FBXL17: variants seen among roughly 807,000 people sequenced by gnomAD.
FBXL17 encodes the protein F-box/LRR-repeat protein 17.
FBXL17 carries 22 observed loss-of-function variants against 66.2 expected under a neutral mutation model. That is an observed-to-expected ratio of 0.33 (90% CI 0.24 to 0.47). The LOEUF (loss-of-function observed/expected upper bound fraction) is 0.47. Among genes scored for constraint, FBXL17 ranks in the 20% least tolerant of loss-of-function variants. FBXL17 has a pLI of 1.00. For missense variants in FBXL17, 878 were observed against 948.2 expected, an observed-to-expected ratio of 0.93 and a Z score of 0.97; for synonymous variants, 474 against 400.5, an observed-to-expected ratio of 1.18 and a Z score of -2.19.
At chr5:108,326,619 A>C (rs1039482703) in intron 4 of FBXL17, among the ~76,000 whole-genome samples, 1 of 152,062 alleles carries the variant, frequency 6.6e-6, no homozygotes, top group African/African-American at 2.4e-5. Context: ...TCCAAAAAAA[A>C]GCAAAAGATT....
chr5:108,319,976 A>T (rs1337999089), intron 4 of FBXL17, among the ~76,000 whole-genome samples: 1 of 151,714 alleles, frequency 6.6e-6, no homozygotes, highest in African/African-American at 2.4e-5. Context: ...CATCATGAAA[A>T]ATTACTCAAT....
At chr5:108,180,287 G>A (rs1752949947) in intron 6 of FBXL17, among the ~76,000 whole-genome samples, 1 of 152,074 alleles carries the variant, frequency 6.6e-6, no homozygotes, top group Non-Finnish European at 1.5e-5. Flanking sequence ...AAGGTAGGCA[G>A]ATAACTTGAG....
intron 7 of FBXL17, among the ~76,000 whole-genome samples, chr5:107,957,055 T>C (rs1042063520): frequency 2.0e-5 from 3 of 152,216 alleles, no homozygotes; most frequent in African/African-American, 7.2e-5. Context: ...GTTGACTCCT[T>C]TAATTTGAGA....
At chr5:108,261,069 T>C (rs187149975) in intron 4 of FBXL17, among the ~76,000 whole-genome samples, 587 of 152,024 alleles carry the variant, frequency 3.9e-3, no homozygotes, top group Non-Finnish European at 6.6e-3. Context: ...AAAAAAAATA[T>C]TAAAATACAA....
intron 6 of FBXL17, among the ~76,000 whole-genome samples, chr5:108,066,356 T>A (rs1426960885): frequency 6.6e-6 from 1 of 152,152 alleles, no homozygotes; most frequent in Non-Finnish European, 1.5e-5. Flanking sequence ...TAGCATTGTA[T>A]CTTTTTTGAC....
chr5:108,121,530 C>T (rs1750499001), intron 6 of FBXL17, among the ~76,000 whole-genome samples: 1 of 151,854 alleles, frequency 6.6e-6, no homozygotes, highest in Non-Finnish European at 1.5e-5. Flanking sequence ...GAAAATGCTA[C>T]ATAAATCTAA....
At chr5:108,320,184 C>T (rs1223521462) in intron 4 of FBXL17, among the ~76,000 whole-genome samples, 2 of 151,580 alleles carry the variant, frequency 1.3e-5, no homozygotes, top group Non-Finnish European at 3.0e-5. Context: ...CTTTTACGCC[C>T]TTCTTTGTTT....
intron 4 of FBXL17, among the ~76,000 whole-genome samples, chr5:108,234,229 A>T (rs1436806821): frequency 6.6e-6 from 1 of 152,132 alleles, no homozygotes; most frequent in Non-Finnish European, 1.5e-5. Context: ...GACGGCTCAC[A>T]CTCAGCCGAG....
At chr5:107,922,216 T>C (rs893851282) in intron 7 of FBXL17, among the ~76,000 whole-genome samples, 3 of 152,308 alleles carry the variant, frequency 2.0e-5, no homozygotes, top group Non-Finnish European at 4.4e-5. Flanking sequence ...TGTATGAAAG[T>C]CTATGGGACT....
intron 7 of FBXL17, among the ~76,000 whole-genome samples, chr5:107,965,535 T>C (rs947934716): frequency 1.3e-5 from 2 of 152,138 alleles, no homozygotes; most frequent in African/African-American, 2.4e-5. Flanking sequence ...TGCTGTAAAA[T>C]AGAAAATCCC....
At chr5:108,017,685 C>CA (rs892897272) in intron 7 of FBXL17, among the ~76,000 whole-genome samples, 2 of 152,128 alleles carry the variant, frequency 1.3e-5, no homozygotes, top group Non-Finnish European at 2.9e-5. Context: ...TTTTCCACAA[C>CA]ACTGCCAATG....
In FBXL17 at chr5:108,219,682, C is replaced by T. The variant is rs557092030; in HGVS notation, c.1614+4439G>A. Among the ~76,000 whole-genome samples, 18 of 151,852 alleles carry T rather than the reference C, an allele frequency of 1.2e-4. No individual in the cohort carries two copies. The East Asian group carries it at 3.3e-3, about 28-fold the overall frequency. The stretch of plus-strand genomic sequence containing the variant: ...CTGGGCAACAAGATTGAAACTCTAT[C>T]TCAAAAATTAAAATTAAAAAAAAAG... On this transcript the variant is annotated intron_variant, in intron 5 of 8. Coordinates refer to ENST00000542267, the MANE Select transcript of FBXL17 (RefSeq NM_001163315.3).
rs141236072 is a variant in FBXL17, at chr5:108,053,829, C to T, written c.1746-32828G>A. Among the ~76,000 whole-genome samples, 10 of 152,242 alleles carry T rather than the reference C, an allele frequency of 6.6e-5. No homozygotes were observed. In the East Asian group the frequency reaches 1.9e-3, roughly 29 times the overall value. ...ATGCACATGTATGTTTACTACAGCA[C>T]TATTTACAATACCAAAGTCATAGAA... is the stretch of plus-strand genomic sequence containing the variant. On this transcript the variant is annotated intron_variant, in intron 6 of 8. Transcript: ENST00000542267.
chr5:108,146,508 C>T (rs780466075), intron 6 of FBXL17, among the ~76,000 whole-genome samples: 5 of 152,204 alleles, frequency 3.3e-5, no homozygotes, highest in African/African-American at 4.8e-5. Flanking sequence ...GTCTACCTCA[C>T]AACCTCAGAG....
intron 4 of FBXL17, among the ~76,000 whole-genome samples, chr5:108,245,438 A>G (rs993211093): frequency 6.6e-6 from 1 of 152,212 alleles, no homozygotes; most frequent in African/African-American, 2.4e-5. Flanking sequence ...ATTCATGTTA[A>G]CATTCCTTAA....
intron 4 of FBXL17, among the ~76,000 whole-genome samples, chr5:108,295,625 G>T (rs1490376412): frequency 2.0e-5 from 3 of 151,910 alleles, no homozygotes; most frequent in African/African-American, 7.2e-5. Context: ...TGTTTTCAAA[G>T]AGTTCACAAC....
At chr5:108,283,300 T>C (rs1204312960) in intron 4 of FBXL17, among the ~76,000 whole-genome samples, 3 of 151,904 alleles carry the variant, frequency 2.0e-5, no homozygotes, top group East Asian at 3.9e-4. Flanking sequence ...CGTAAGCTGA[T>C]AACAAATTAC....
intron 7 of FBXL17, among the ~76,000 whole-genome samples, chr5:108,015,822 C>G (rs1053812095): frequency 1.4e-4 from 21 of 152,112 alleles, no homozygotes; most frequent in Non-Finnish European, 1.8e-4. Context: ...CCAATAGTAT[C>G]AGAAGGTCAA....
At chr5:107,941,035 A>G (rs1343149876) in intron 7 of FBXL17, among the ~76,000 whole-genome samples, 1 of 152,204 alleles carries the variant, frequency 6.6e-6, no homozygotes, top group Non-Finnish European at 1.5e-5. Flanking sequence ...ACAAACAGCA[A>G]AACTTAACTA....
Sources: allele counts gnomAD v4.1 joint callset (sites outside exome capture counted in the v4.1 genomes callset), GRCh38; gene constraint gnomAD v4.1.1; transcripts MANE v1.5; gene names NCBI Gene and HGNC (gene_info 2026-07-23, HGNC 2026-07-21).